Variants in LRP1 observed in about 807,000 individuals in gnomAD.
LRP1 encodes the protein prolow-density lipoprotein receptor-related protein 1.
In LRP1, 51 loss-of-function variants were observed where a neutral mutation model predicts 541.5. The observed-to-expected ratio is 0.09, with a 90% CI of 0.08 to 0.12. LRP1 has a LOEUF of 0.12. LRP1 is among the 10% of genes least tolerant of loss of function. The pLI, the probability that LRP1 is intolerant of heterozygous loss-of-function variation, is 1.00. For missense variants in LRP1, 3,878 were observed against 6,376.2 expected, an observed-to-expected ratio of 0.61 and a Z score of 13.34; for synonymous variants, 2,219 against 2,470.8, an observed-to-expected ratio of 0.90 and a Z score of 3.02.
At chr12:57,193,083 C>T (rs761815038) in intron 45 of LRP1, 93 bp from the exon 46 acceptor site, 47 of 1,582,582 alleles carry the variant, frequency 3.0e-5, no homozygotes, top group Middle Eastern at 3.4e-4. Flanking sequence ...GCCAAGAAGA[C>T]GCTGATGATG....
At chr12:57,153,267 C>A (rs1333289086) in intron 6 of LRP1, among the ~76,000 whole-genome samples, 3 of 152,058 alleles carry the variant, frequency 2.0e-5, no homozygotes, top group African/African-American at 7.2e-5. Flanking sequence ...CCAGAGGAGG[C>A]CAGCATGTGT....
At position 57,180,957 on chromosome 12, in the gene LRP1, C is replaced by T. The variant is rs35097195; in HGVS notation, c.5527+150C>T. On this transcript the variant is annotated intron_variant, in intron 33 of 88. Coordinates refer to ENST00000243077, the MANE Select transcript of LRP1 (RefSeq NM_002332.3). ...GCTCCTTGTTTCCTTACCACAAAGG[C>T]GCCTTGTAGGCTCCCAGCAGCCCTG... 4.6e-4 allele frequency: 582 copies of T among 1,258,348 alleles called. 4 individuals carry two copies. In the African/African-American group the frequency reaches 7.5e-3, roughly 16 times the overall value. The allele number at this position is 1,258,348 out of a possible 1,614,324, so 77.9% of individuals were successfully genotyped here.
In LRP1 at chr12:57,175,691, G is replaced by A. The variant is rs751405814; in HGVS notation, c.3779G>A (p.Ser1260Asn). 6.4e-7 allele frequency: 1 copy of A among 1,571,298 alleles called. No individual in the cohort carries two copies. Among genetic ancestry groups the A allele is most frequent in the Non-Finnish European group, 8.6e-7 (1 of 1,156,300 alleles). Residue 1260 changes from serine (S) to asparagine (N), a missense_variant, in exon 23 of 89, where the codon AGC becomes AAC. Coordinates refer to ENST00000243077, the MANE Select transcript of LRP1 (RefSeq NM_002332.3). Reference protein sequence around the residue: ...EGWVLEPDGESCRSLDPFKPF... With the variant: ...EGWVLEPDGENCRSLDPFKPF... ...TGGGTCCTGGAACCTGACGGCGAGA[G>A]CTGCCGCAGCCTGGGTGAGACAACA...
Position 57,175,571 on chromosome 12 carries a change from C to T in LRP1, c.3659C>T (p.Thr1220Ile), listed in dbSNP as rs955262152. ...ATGGAGCTGGGGCCCGACAACCACA[C>T]CTGCCAGATCCAGAGCTACTGTGCC... Reference protein sequence around the residue: ...LGMELGPDNHTCQIQSYCAKH... With the variant: ...LGMELGPDNHICQIQSYCAKH... Residue 1220 changes from threonine to isoleucine, a missense_variant, in exon 23 of 89, where the codon ACC (threonine) becomes ATC (isoleucine). Around this residue, in one of 13 missense-constraint regions of LRP1, gnomAD observed 320 missense variants for 547.9 expected, o/e 0.58. Coordinates refer to ENST00000243077, the MANE Select transcript of LRP1 (RefSeq NM_002332.3). 1 of 1,614,166 alleles carries T rather than the reference C, an allele frequency of 6.2e-7. No individual in the cohort carries two copies. The highest frequency in any genetic ancestry group is 1.1e-5 in the South Asian group (1 of 91,084).
intron 46 of LRP1, 122 bp downstream of exon 46, chr12:57,193,426 C>A: frequency 6.6e-7 from 1 of 1,506,618 alleles, no homozygotes; most frequent in Non-Finnish European, 9.0e-7. Flanking sequence ...TTTGGGAGCT[C>A]ATGAAGGGCA....
intron 1 of LRP1, among the ~76,000 whole-genome samples, chr12:57,130,179 C>T (rs563793145): frequency 7.9e-5 from 12 of 152,196 alleles, no homozygotes; most frequent in African/African-American, 2.7e-4. Flanking sequence ...GATCTCATCC[C>T]CTCCTGTCAT....
chr12:57,190,754 G>A (rs368247394), intron 42 of LRP1, 51 bp from the exon 43 acceptor site: 34 of 1,566,140 alleles, frequency 2.2e-5, no homozygotes, highest in African/African-American at 2.7e-5. Context: ...TGTGCCCTCT[G>A]TTGTGGATTC....
In LRP1 at chr12:57,154,160, G is replaced by A. The variant is rs1565721726; in HGVS notation, c.842-48G>A. 1.3e-6 allele frequency: 2 copies of A among 1,574,224 alleles called. No individual in the cohort carries two copies. The highest frequency in any genetic ancestry group is 1.3e-5 in the African/African-American group (1 of 74,298). ...TCACCAGCAAAGGGTGGGCATCTCT[G>A]CAAGAGGGCCTACCCCACCCCATGG... On this transcript the variant is annotated intron_variant, in intron 6 of 88. Transcript: ENST00000243077. The surrounding 1 kb of genome is among the most constrained non-coding windows in gnomAD (Gnocchi z 4.6).
rs751821183 is a variant in LRP1 at position 57,195,309 on chromosome 12, G to A, written c.8347G>A (p.Gly2783Ser). The change falls in exon 52 of 89, where the codon GGC becomes AGC. Residue 2783 changes from glycine to serine, a missense_variant. Around this residue, in one of 13 missense-constraint regions of LRP1, gnomAD observed 1,100 missense variants for 1,827.4 expected, o/e 0.60. Coordinates refer to ENST00000243077, the MANE Select transcript of LRP1 (RefSeq NM_002332.3). ...TCGPSSFSCP[G>S]THVCVPERWL... is the part of the protein sequence containing the mutation. ...CGGCCCCTCCTCCTTCTCCTGCCCT[G>A]GCACCCACGTGTGCGTCCCCGAGCG... 4.3e-6 allele frequency: 7 copies of A among 1,613,772 alleles called. No individual in the cohort carries two copies. The highest frequency in any genetic ancestry group is 3.3e-4 in the Middle Eastern group (2 of 6,062).
At chr12:57,141,637 C>T in intron 3 of LRP1, 126 bp downstream of exon 3, 1 of 1,234,588 alleles carries the variant, frequency 8.1e-7, no homozygotes, top group East Asian at 2.4e-5. Context: ...CTAGATTTAC[C>T]TTCAGAGAGC....
intron 6 of LRP1, among the ~76,000 whole-genome samples, chr12:57,150,608 C>T (rs544029865): frequency 6.6e-6 from 1 of 152,214 alleles, no homozygotes; most frequent in South Asian, 2.1e-4. Context: ...AGTCAGGAGG[C>T]CACAGGGCTC....
Position 57,180,359 on chromosome 12 carries a change from C to A in LRP1, c.5266C>A (p.Leu1756Ile). Residue 1756 changes from leucine (L) to isoleucine (I), a missense_variant, in exon 32 of 89, where the codon CTC (leucine) becomes ATC (isoleucine). Physicochemically the swap from Leu to Ile is conservative, Grantham distance 5. Transcript: ENST00000243077. ...GLAIDFPESK[L>I]YWISSGNHTI... is the part of the protein sequence containing the mutation. Reference sequence around the variant, plus strand: ...GGCTATTGACTTCCCTGAAAGCAAACTCTACTGGATCAGCTCCGGGAACCA... The same window carrying A: ...GGCTATTGACTTCCCTGAAAGCAAAATCTACTGGATCAGCTCCGGGAACCA... 1 of 1,614,150 alleles carries A rather than the reference C, an allele frequency of 6.2e-7. No homozygotes were observed. The highest frequency in any genetic ancestry group is 8.5e-7 in the Non-Finnish European group (1 of 1,180,026).
intron 20 of LRP1, among the ~76,000 whole-genome samples, chr12:57,171,888 A>G (rs896137470): frequency 1.3e-5 from 2 of 151,828 alleles, no homozygotes; most frequent in Non-Finnish European, 2.9e-5. Context: ...CTGACAACAT[A>G]AGTCAGATCA....
chr12:57,133,231 G>A (rs2035075844), intron 1 of LRP1, among the ~76,000 whole-genome samples: 1 of 151,928 alleles, frequency 6.6e-6, no homozygotes, highest in Non-Finnish European at 1.5e-5. Flanking sequence ...AAGGAGAGGA[G>A]GCTTAGAAAT....
intron 6 of LRP1, among the ~76,000 whole-genome samples, chr12:57,150,498 CT>C (rs1565719885): frequency 6.6e-6 from 1 of 152,152 alleles, no homozygotes; most frequent in Non-Finnish European, 1.5e-5. Context: ...GCCTTGAAAA[CT>C]TCCTTCTAAT....
chr12:57,194,408 A>G lies in LRP1; in HGVS notation c.7973A>G (p.Gln2658Arg). 1 of 1,523,614 alleles carries G rather than the reference A, an allele frequency of 6.6e-7. No homozygotes were observed. Among genetic ancestry groups the G allele is most frequent in the Non-Finnish European group, 8.8e-7 (1 of 1,136,272 alleles). 94.4% of individuals were successfully genotyped at this position (1,523,614 alleles called of 1,614,324 possible). A position where few individuals can be genotyped will look rare whatever the true frequency, so the allele number is the denominator to read the frequency against. ...FRLGVKGVLF[Q>R]PCERTSLCYA... ...CTGGGCGTGAAGGGCGTGCTCTTCC[A>G]GCCCTGCGAGCGGACCTCACTCTGC... The change falls in exon 49 of 89, where the codon CAG becomes CGG. Residue 2658 changes from glutamine (Q) to arginine (R), a missense_variant. Coordinates refer to ENST00000243077, the MANE Select transcript of LRP1 (RefSeq NM_002332.3).
In LRP1 at chr12:57,158,367, G is replaced by A; in HGVS notation, c.1562-35G>A. The A allele has an allele frequency of 6.5e-7, 1 of 1,535,210 alleles. No homozygotes were observed. Among genetic ancestry groups the A allele is most frequent in the Non-Finnish European group, 8.9e-7 (1 of 1,121,796 alleles). ...CTGGGTGGGGATGATGGTCATGTGT[G>A]TGTCTGACTGTACCCTGGCTTGTGC... On this transcript the variant is annotated intron_variant, in intron 10 of 88. Coordinates refer to ENST00000243077, the MANE Select transcript of LRP1 (RefSeq NM_002332.3). The surrounding 1 kb of genome is among the most constrained non-coding windows in gnomAD (Gnocchi z 5.3).
rs143327344 is a variant in LRP1, at chr12:57,204,692, G to A, written c.11137G>A (p.Gly3713Arg). ...CKNDRVCLWI[G>R]RQCDGTDNCG... is the part of the protein sequence containing the mutation. ...GAATGACCGCGTCTGTCTGTGGATC[G>A]GGCGCCAATGCGATGGCACGGACAA... Residue 3713 changes from glycine (G) to arginine (R), a missense_variant, in exon 72 of 89, where the codon GGG becomes AGG. Gly to Arg is a moderately radical substitution (Grantham distance 125, BLOSUM62 -2). This residue lies in a region of LRP1 where 871 missense variants were observed against 1,212.4 expected (regional missense o/e 0.72). Coordinates refer to ENST00000243077, the MANE Select transcript of LRP1 (RefSeq NM_002332.3). This position sits in a 1 kb window ranked among gnomAD's most constrained non-coding sequence, Gnocchi z 5.3. 430 of 1,614,042 alleles carry A rather than the reference G, an allele frequency of 2.7e-4. 5 individuals are homozygous for A. In the Admixed American group the frequency reaches 6.1e-3, roughly 23 times the overall value.
In LRP1 at chr12:57,162,670, T is replaced by C; in HGVS notation, c.2404+152T>C. The C allele has an allele frequency of 9.3e-7, 1 of 1,080,694 alleles. No individual in the cohort carries two copies. Among genetic ancestry groups the C allele is most frequent in the Non-Finnish European group, 1.3e-6 (1 of 749,454 alleles). 66.9% of individuals were successfully genotyped at this position (1,080,694 alleles called of 1,614,324 possible). The stretch of plus-strand genomic sequence containing the variant: ...TGAGAAGAGAACTCCCCCAACACAA[T>C]CTGATTCTCTGTTCCCCATTTCCCT... On this transcript the variant is annotated intron_variant, in intron 14 of 88. Coordinates refer to ENST00000243077, the MANE Select transcript of LRP1 (RefSeq NM_002332.3). The surrounding 1 kb of genome is among the most constrained non-coding windows in gnomAD (Gnocchi z 5.2).
Sources: gnomAD v4.1 joint callset for allele counts (sites outside exome capture counted in the v4.1 genomes callset) on GRCh38, gnomAD v4.1.1 for gene constraint, gnomAD v4.1.1 regional missense constraint, Gnocchi (gnomAD v3.1) non-coding constraint, MANE v1.5 for transcripts, NCBI Gene and HGNC (gene_info 2026-07-23, HGNC 2026-07-21) for gene names.